FANK1: variants seen among roughly 807,000 people sequenced by gnomAD.
FANK1 encodes the protein fibronectin type III and ankyrin repeat domains 1.
In FANK1, 44 loss-of-function variants were observed where a neutral mutation model predicts 45.3. That is an observed-to-expected ratio of 0.97 (90% CI 0.76 to 1.25). FANK1 has a LOEUF of 1.25. Among genes scored for constraint, FANK1 ranks in the 50% most tolerant of loss-of-function variants. The probability of loss-of-function intolerance (pLI) is 0.00; values close to 1 mark genes in which losing one functional copy is unlikely to be tolerated. For missense variants in FANK1, 391 were observed against 424.4 expected (o/e 0.92, Z 0.69); for synonymous variants, 149 against 152.5 (o/e 0.98, Z 0.17).
Position 126,009,095 on chromosome 10 carries a change from T to C in FANK1, c.891T>C (p.Leu297=), listed in dbSNP as rs1460158482. ...LNNHEELVQL[L]LDKGADASVK... ...ATCATGAAGAGTTAGTTCAGTTACT[T>C]CTTGACAAAGGGGCAGATGCAAGTG... Residue 297 remains leucine (L), a synonymous_variant, in exon 9 of 11, where the codon CTT becomes CTC. Transcript: ENST00000368693. The C allele has an allele frequency of 6.2e-7, 1 of 1,614,184 alleles. No homozygotes were observed.
At chr10:125,988,493 CAG>C (rs1951712046) in intron 2 of FANK1, 56 bp from the exon 3 acceptor site, 30 of 1,585,304 alleles carry the variant, frequency 1.9e-5, no homozygotes, top group Non-Finnish European at 2.4e-5. Context: ...GCTGTCTTAT[CAG>C]AGAGTGCAGA....
intron 2 of FANK1, among the ~76,000 whole-genome samples, chr10:125,987,352 A>T (rs530069208): frequency 1.3e-5 from 2 of 152,290 alleles, no homozygotes; most frequent in Admixed American, 1.3e-4. Context: ...ACAAAGAATG[A>T]TTCTGGTATC....
chr10:126,001,641 C>A (rs957693268), intron 6 of FANK1, among the ~76,000 whole-genome samples: 4 of 152,122 alleles, frequency 2.6e-5, no homozygotes, highest in African/African-American at 7.2e-5. Flanking sequence ...ATAACAGACC[C>A]CATGGGTGCC....
At chr10:125,987,547 A>C (rs577531702) in intron 2 of FANK1, among the ~76,000 whole-genome samples, 19 of 145,450 alleles carry the variant, frequency 1.3e-4, no homozygotes, top group African/African-American at 3.8e-4. Flanking sequence ...ACACACACAC[A>C]CCCTCTCAAA....
intron 1 of FANK1, among the ~76,000 whole-genome samples, chr10:125,924,550 T>C (rs1027646239): frequency 2.6e-5 from 4 of 152,190 alleles, no homozygotes; most frequent in Non-Finnish European, 5.9e-5. Flanking sequence ...CTGTGCCCAG[T>C]CTGTTGATGT....
At chr10:125,989,308 A>T in intron 3 of FANK1, 1 of 1,550,830 alleles carries the variant, frequency 6.4e-7, no homozygotes, top group Non-Finnish European at 8.7e-7. Context: ...GCCTTGTAAA[A>T]ATTAGGATGG....
intron 1 of FANK1, among the ~76,000 whole-genome samples, chr10:125,934,625 A>AGCC: frequency 6.7e-6 from 1 of 148,732 alleles, no homozygotes; most frequent in South Asian, 2.2e-4. Flanking sequence ...CCATGATGAG[A>AGCC]GCCGCTGCCA....
At chr10:126,004,696 A>T in intron 6 of FANK1, 188 bp from the exon 7 acceptor site, 1 of 576,762 alleles carries the variant, frequency 1.7e-6, no homozygotes, top group East Asian at 2.9e-5. Flanking sequence ...CATTTCTAAT[A>T]TTCCATTGTA....
chr10:125,937,022 G>A (rs954371478), intron 1 of FANK1, among the ~76,000 whole-genome samples: 2 of 151,776 alleles, frequency 1.3e-5, no homozygotes. Context: ...AGCAGAGGTC[G>A]CACCATTGCC....
intron 2 of FANK1, among the ~76,000 whole-genome samples, chr10:125,982,543 T>C (rs1951287514): frequency 6.6e-6 from 1 of 152,248 alleles, no homozygotes; most frequent in Non-Finnish European, 1.5e-5. Context: ...TGACCTCTTT[T>C]GCTTCCTTAT....
chr10:125,949,249 G>A (rs1182155570), intron 1 of FANK1, among the ~76,000 whole-genome samples: 1 of 150,398 alleles, frequency 6.6e-6, no homozygotes, highest in Non-Finnish European at 1.5e-5. Flanking sequence ...ATTCAACATA[G>A]TGTTGTAAGT....
At chr10:125,951,489 G>A (rs572561794) in intron 1 of FANK1, among the ~76,000 whole-genome samples, 227 of 152,280 alleles carry the variant, frequency 1.5e-3, no homozygotes, top group Non-Finnish European at 2.8e-3. Flanking sequence ...ACTTAGGGAC[G>A]GAAGTCAACA....
At chr10:125,978,455 C>T (rs1427797313) in intron 1 of FANK1, among the ~76,000 whole-genome samples, 1 of 152,098 alleles carries the variant, frequency 6.6e-6, no homozygotes, top group African/African-American at 2.4e-5. Flanking sequence ...TGGCCTACCT[C>T]TCCCTCTGGG....
At chr10:126,005,129 G>T (rs1953087029) in intron 7 of FANK1, 80 bp downstream of exon 7, 8 of 1,484,176 alleles carry the variant, frequency 5.4e-6, no homozygotes, top group Middle Eastern at 2.5e-4. Context: ...CAGAAGCAGG[G>T]CCTTTGATTA....
chr10:125,925,117 T>A (rs538329704), intron 1 of FANK1, among the ~76,000 whole-genome samples: 4 of 152,020 alleles, frequency 2.6e-5, no homozygotes, highest in African/African-American at 9.7e-5. Flanking sequence ...CATTGAGTAT[T>A]TTTTTCATAG....
chr10:125,963,494 C>A (rs764303275), intron 1 of FANK1, among the ~76,000 whole-genome samples: 15 of 152,168 alleles, frequency 9.9e-5, no homozygotes, highest in Non-Finnish European at 1.8e-4. Flanking sequence ...TTGGAACCAA[C>A]CTAAATGTCC....
chr10:125,995,581 C>T, intron 4 of FANK1, 83 bp downstream of exon 4: 2 of 1,332,342 alleles, frequency 1.5e-6, no homozygotes, highest in Non-Finnish European at 2.1e-6. Flanking sequence ...ATTTTGTTTT[C>T]CTAAAAATTC....
At chr10:125,953,188 G>A (rs1949364261) in intron 1 of FANK1, among the ~76,000 whole-genome samples, 1 of 152,164 alleles carries the variant, frequency 6.6e-6, no homozygotes, top group Non-Finnish European at 1.5e-5. Context: ...ACCCTGCTTT[G>A]AAAACCACTT....
chr10:125,979,447 T>C (rs779104754), intron 1 of FANK1, among the ~76,000 whole-genome samples: 2 of 152,196 alleles, frequency 1.3e-5, no homozygotes, highest in African/African-American at 2.4e-5. Context: ...TGCTTCCATA[T>C]TGCCCTCTAA....
Sources: allele counts gnomAD v4.1 joint callset (sites outside exome capture counted in the v4.1 genomes callset), GRCh38; gene constraint gnomAD v4.1.1; transcripts MANE v1.5; gene names NCBI Gene and HGNC (gene_info 2026-07-23, HGNC 2026-07-21).